Variants in MGA observed in about 807,000 individuals in gnomAD.
MGA encodes the protein MAX gene-associated protein.
Under a neutral mutation model 261.1 loss-of-function variants are expected in MGA, and 40 were observed. That is an observed-to-expected ratio of 0.15 (90% CI 0.12 to 0.20). The LOEUF (loss-of-function observed/expected upper bound fraction) is 0.20, where lower values mean the gene tolerates loss of function less well. MGA is among the 10% of genes least tolerant of loss of function. The pLI is 1.00. For synonymous variants in MGA, 1,302 were observed against 1,290.6 expected, an observed-to-expected ratio of 1.01 and a Z score of -0.19; for missense variants, 3,397 against 3,630.5, an observed-to-expected ratio of 0.94 and a Z score of 1.65.
At chr15:41,706,086 A>T (rs1486597505) in intron 5 of MGA, among the ~76,000 whole-genome samples, 2 of 152,002 alleles carry the variant, frequency 1.3e-5, no homozygotes, top group East Asian at 1.9e-4. Flanking sequence ...AAAATACAAA[A>T]ATTAGCCGGG....
intron 5 of MGA, among the ~76,000 whole-genome samples, chr15:41,703,021 A>G (rs955278908): frequency 1.3e-5 from 2 of 152,172 alleles, no homozygotes; most frequent in Admixed American, 1.3e-4. Context: ...CATTTGTTAC[A>G]GTTAGTGAAC....
intron 7 of MGA, among the ~76,000 whole-genome samples, chr15:41,708,489 T>G (rs2060225965): frequency 6.6e-6 from 1 of 152,178 alleles, no homozygotes; most frequent in Admixed American, 6.5e-5. Context: ...GGCTAATTTT[T>G]TGTATTTTTA....
At chr15:41,747,973 A>G (rs2062600231) in intron 15 of MGA, among the ~76,000 whole-genome samples, 1 of 152,202 alleles carries the variant, frequency 6.6e-6, no homozygotes, top group African/African-American at 2.4e-5. Flanking sequence ...CTGTGCCTTA[A>G]TGACTGGGCA....
chr15:41,680,970 G>A (rs1342929941), intron 2 of MGA, among the ~76,000 whole-genome samples: 1 of 152,088 alleles, frequency 6.6e-6, no homozygotes, highest in Non-Finnish European at 1.5e-5. Context: ...CTATTTAGGG[G>A]GTCTACTACA....
chr15:41,666,831 A>C (rs1208569492), intron 1 of MGA, among the ~76,000 whole-genome samples: 1 of 152,224 alleles, frequency 6.6e-6, no homozygotes, highest in Non-Finnish European at 1.5e-5. Flanking sequence ...TCTTGTATAG[A>C]TATCATTTAT....
At chr15:41,641,391 C>A (rs757424000) in intron 1 of MGA, among the ~76,000 whole-genome samples, 1 of 151,740 alleles carries the variant, frequency 6.6e-6, no homozygotes, top group Non-Finnish European at 1.5e-5. Context: ...CCATGCTTAA[C>A]TTCTCGAGAA....
chr15:41,762,137 G>C lies in MGA; in HGVS notation c.7519G>C (p.Glu2507Gln). ...ATTCTGTTAACTTACAGGTAAGACA[G>C]AAGAAGTGGTCCTGAAGAAGCTAGA... is the stretch of plus-strand genomic sequence containing the variant. Residue 2507 changes from glutamate (E) to glutamine (Q), a missense_variant, in exon 22 of 24, where the codon GAA (glutamate) becomes CAA (glutamine). Coordinates refer to ENST00000219905, the MANE Select transcript of MGA (RefSeq NM_001164273.2). The C allele has an allele frequency of 6.2e-7, 1 of 1,612,578 alleles. No individual in the cohort carries two copies. Among genetic ancestry groups the C allele is most frequent in the Non-Finnish European group, 8.5e-7 (1 of 1,179,114 alleles).
intron 1 of MGA, among the ~76,000 whole-genome samples, chr15:41,633,136 A>C (rs1422036365): frequency 6.6e-6 from 1 of 151,916 alleles, no homozygotes; most frequent in Non-Finnish European, 1.5e-5. Context: ...TTTTTAGTAG[A>C]GACGGGGTTT....
chr15:41,700,494 T>C (rs1161668485), intron 5 of MGA, among the ~76,000 whole-genome samples: 1 of 152,170 alleles, frequency 6.6e-6, no homozygotes, highest in African/African-American at 2.4e-5. Context: ...AAACATGCAG[T>C]GTTTGGTTTT....
At chr15:41,661,044 G>A (rs1219709957) in intron 1 of MGA, among the ~76,000 whole-genome samples, 3 of 152,230 alleles carry the variant, frequency 2.0e-5, no homozygotes, top group Non-Finnish European at 1.5e-5. Context: ...CTGTGCAAAC[G>A]TCTTTTCTAA....
chr15:41,757,909 C>T, intron 19 of MGA, 70 bp downstream of exon 19: 1 of 1,375,384 alleles, frequency 7.3e-7, no homozygotes, highest in South Asian at 1.2e-5. Context: ...AGGGTTGAAA[C>T]AACATTAGCT....
intron 1 of MGA, among the ~76,000 whole-genome samples, chr15:41,663,077 C>A (rs1267396338): frequency 7.2e-5 from 11 of 151,998 alleles, no homozygotes; most frequent in Non-Finnish European, 1.6e-4. Context: ...AGGATCATTG[C>A]TTTAGTAGAT....
chr15:41,714,827 AC>A (rs1445624268), intron 9 of MGA, among the ~76,000 whole-genome samples: 1 of 152,124 alleles, frequency 6.6e-6, no homozygotes, highest in Non-Finnish European at 1.5e-5. Context: ...ATATTTTACA[AC>A]TTTTAAAACT....
At position 41,769,364 on chromosome 15, in the gene MGA, C is replaced by G. The variant is rs899111988; in HGVS notation, c.*2084C>G. Reference sequence around the variant, plus strand: ...AGGTAATGATTCTTGATTGGAGATACCATTTGACTCTTGATGAGAGTTGTA... The same window carrying G: ...AGGTAATGATTCTTGATTGGAGATAGCATTTGACTCTTGATGAGAGTTGTA... On this transcript the variant is annotated 3_prime_UTR_variant, in exon 24 of 24. Transcript: ENST00000219905. 2.0e-5 allele frequency: 3 copies of G among 147,746 alleles called. No individual in the cohort carries two copies. Among genetic ancestry groups the G allele is most frequent in the African/African-American group, 7.5e-5 (3 of 39,854 alleles). 9.2% of individuals were successfully genotyped at this position (147,746 alleles called of 1,614,324 possible).
intron 9 of MGA, among the ~76,000 whole-genome samples, chr15:41,721,053 C>T (rs2060915102): frequency 1.3e-5 from 2 of 152,084 alleles, no homozygotes; most frequent in South Asian, 2.1e-4. Flanking sequence ...CTAAACAATA[C>T]AGCATTTAGA....
At chr15:41,704,729 G>A (rs917028502) in intron 5 of MGA, among the ~76,000 whole-genome samples, 165 of 152,248 alleles carry the variant, frequency 1.1e-3, no homozygotes, top group African/African-American at 3.9e-3. Flanking sequence ...TTTCTATTCT[G>A]TGTTTACTAC....
chr15:41,723,893 A>G (rs2061085365), intron 9 of MGA, among the ~76,000 whole-genome samples: 1 of 151,870 alleles, frequency 6.6e-6, no homozygotes, highest in Admixed American at 6.6e-5. Flanking sequence ...CACAGTTGAA[A>G]TTTTAAAATT....
intron 11 of MGA, among the ~76,000 whole-genome samples, chr15:41,729,796 C>CT (rs1269743402): frequency 6.6e-6 from 1 of 152,154 alleles, no homozygotes; most frequent in Non-Finnish European, 1.5e-5. Context: ...TATCATGCCA[C>CT]TTTACTCCAG....
At chr15:41,728,176 G>T (rs373062326) in intron 10 of MGA, among the ~76,000 whole-genome samples, 17 of 151,976 alleles carry the variant, frequency 1.1e-4, no homozygotes, top group African/African-American at 3.9e-4. Context: ...CTAAAAATAA[G>T]AAAAATTAGC....
Sources: allele counts gnomAD v4.1 joint callset (sites outside exome capture counted in the v4.1 genomes callset), GRCh38; gene constraint gnomAD v4.1.1; transcripts MANE v1.5; gene names NCBI Gene and HGNC (gene_info 2026-07-23, HGNC 2026-07-21).